TMEM135: variants seen among roughly 807,000 people sequenced by gnomAD.
TMEM135 encodes peroxisomal membrane protein 52.
A neutral mutation model predicts 60.3 loss-of-function variants in TMEM135; 30 were observed. The ratio of observed to expected loss-of-function variants is 0.50; its 90% confidence interval spans 0.37 to 0.68. TMEM135 has a LOEUF of 0.68. Ranked by LOEUF, TMEM135 falls within the 30% of genes least tolerant of loss-of-function variation. The pLI is 0.00. For synonymous variants in TMEM135, 190 were observed against 186.7 expected (o/e 1.02, Z -0.14); for missense variants, 468 against 548.8 (o/e 0.85, Z 1.47).
intron 1 of TMEM135, among the ~76,000 whole-genome samples, chr11:87,040,930 G>A (rs530418840): frequency 9.9e-5 from 15 of 152,176 alleles, no homozygotes; most frequent in Admixed American, 7.9e-4. Flanking sequence ...CCCTTGACTT[G>A]TGCCTTGAGG....
intron 4 of TMEM135, among the ~76,000 whole-genome samples, chr11:87,119,442 C>T (rs915779303): frequency 6.6e-6 from 1 of 152,186 alleles, no homozygotes; most frequent in South Asian, 2.1e-4. Flanking sequence ...ATGGCTCATG[C>T]GTGTAATCGC....
At chr11:87,319,222 A>G (rs1942782857) in intron 13 of TMEM135, 88 bp from the exon 14 acceptor site, 1 of 1,137,326 alleles carries the variant, frequency 8.8e-7, no homozygotes, top group South Asian at 1.3e-5. Context: ...GATAGTTACC[A>G]ACTTAAACAT....
At chr11:87,188,407 A>C (rs538752722) in intron 5 of TMEM135, among the ~76,000 whole-genome samples, 1 of 152,234 alleles carries the variant, frequency 6.6e-6, no homozygotes, top group Non-Finnish European at 1.5e-5. Flanking sequence ...GTAGCTAAAA[A>C]ATAATAGAAG....
At chr11:87,113,508 T>G (rs1186642590) in intron 4 of TMEM135, among the ~76,000 whole-genome samples, 2 of 152,086 alleles carry the variant, frequency 1.3e-5, no homozygotes, top group East Asian at 3.9e-4. Context: ...CAAGATTTAG[T>G]TTATTGTGTT....
intron 4 of TMEM135, among the ~76,000 whole-genome samples, chr11:87,096,870 A>C (rs898920547): frequency 1.3e-5 from 2 of 152,008 alleles, no homozygotes; most frequent in African/African-American, 4.8e-5. Flanking sequence ...CTTTTTCATT[A>C]CCCACATATT....
At chr11:87,145,570 T>C (rs1190907520) in intron 4 of TMEM135, among the ~76,000 whole-genome samples, 1 of 152,324 alleles carries the variant, frequency 6.6e-6, no homozygotes, top group East Asian at 1.9e-4. Context: ...GGTTCCCTTT[T>C]CTCCATATCC....
chr11:87,243,984 G>A (rs1463087196), intron 6 of TMEM135, among the ~76,000 whole-genome samples: 1 of 82,692 alleles, frequency 1.2e-5, no homozygotes, highest in East Asian at 2.2e-4. Context: ...ATTGGCTGTG[G>A]GTTTGTCATA....
Position 87,326,498 on chromosome 11 carries a change from CA to C in TMEM135, c.*5168del, listed in dbSNP as rs1224499268. ...TAAGAGGACCCTGAAGCTATAGTGCCAAAGGTTTAAAGCATGAAGTACATTC... is the reference window on the plus strand; with the variant it reads ...TAAGAGGACCCTGAAGCTATAGTGCCAAGGTTTAAAGCATGAAGTACATTC... On this transcript the variant is annotated 3_prime_UTR_variant, in exon 15 of 15. Coordinates refer to ENST00000305494, the MANE Select transcript of TMEM135 (RefSeq NM_022918.4). 2 of 453,828 alleles carry C rather than the reference CA, an allele frequency of 4.4e-6. No homozygotes were observed. Among genetic ancestry groups the C allele is most frequent in the Non-Finnish European group, 8.8e-6 (2 of 226,768 alleles). 28.1% of individuals were successfully genotyped at this position (453,828 alleles called of 1,614,324 possible). A position where few individuals can be genotyped will look rare whatever the true frequency, so the allele number is the denominator to read the frequency against.
chr11:87,041,524 C>CT (rs913126749), intron 1 of TMEM135, among the ~76,000 whole-genome samples: 10 of 152,182 alleles, frequency 6.6e-5, no homozygotes, highest in African/African-American at 2.4e-4. Flanking sequence ...CTGCAATTTA[C>CT]TATCAATATG....
At chr11:87,159,326 T>G (rs995016833) in intron 5 of TMEM135, among the ~76,000 whole-genome samples, 4 of 152,212 alleles carry the variant, frequency 2.6e-5, no homozygotes, top group Non-Finnish European at 5.9e-5. Flanking sequence ...ATAGTTACCA[T>G]CTGCTATTCT....
chr11:87,147,519 T>A (rs1267435014), intron 4 of TMEM135, among the ~76,000 whole-genome samples: 2 of 152,030 alleles, frequency 1.3e-5, no homozygotes, highest in Non-Finnish European at 2.9e-5. Flanking sequence ...TTGTTATTTT[T>A]ATTATTACCA....
chr11:87,166,249 G>A (rs1342206230), intron 5 of TMEM135, among the ~76,000 whole-genome samples: 1 of 151,698 alleles, frequency 6.6e-6, no homozygotes, highest in South Asian at 2.1e-4. Context: ...CTCCCATTCT[G>A]TAGGTTGCCT....
chr11:87,322,988 G>A lies in TMEM135; in HGVS notation c.*1655G>A, dbSNP rs1009231839. The A allele has an allele frequency of 4.4e-6, 2 of 454,188 alleles. No homozygotes were observed. Among genetic ancestry groups the A allele is most frequent in the African/African-American group, 4.0e-5 (2 of 49,966 alleles). The allele number at this position is 454,188 out of a possible 1,614,324, so 28.1% of individuals were successfully genotyped here. The stretch of plus-strand genomic sequence containing the variant: ...GAATCAAAACGATGGTTGGTACTGT[G>A]TTTACTGTTTAAAATGAAGTACTAA... On this transcript the variant is annotated 3_prime_UTR_variant, in exon 15 of 15. Transcript: ENST00000305494.
intron 5 of TMEM135, chr11:87,178,358 T>G (rs1381647445): frequency 1.3e-5 from 6 of 454,222 alleles, no homozygotes; most frequent in Non-Finnish European, 2.6e-5. Context: ...CAATCTAAAC[T>G]CTCTTTTTCT....
chr11:87,054,581 A>G (rs1249499705), intron 1 of TMEM135, among the ~76,000 whole-genome samples: 1 of 152,228 alleles, frequency 6.6e-6, no homozygotes, highest in Non-Finnish European at 1.5e-5. Flanking sequence ...AATTTTTTCA[A>G]CTTACTGTCA....
intron 6 of TMEM135, among the ~76,000 whole-genome samples, chr11:87,271,534 T>C (rs1440514427): frequency 6.7e-6 from 1 of 148,946 alleles, no homozygotes; most frequent in Admixed American, 6.8e-5. Context: ...ACATCAGATT[T>C]CAAAGACTTG....
At chr11:87,063,899 A>G (rs559480770) in intron 1 of TMEM135, among the ~76,000 whole-genome samples, 9 of 152,344 alleles carry the variant, frequency 5.9e-5, no homozygotes, top group African/African-American at 1.9e-4. Flanking sequence ...GTAATGACAG[A>G]TAATGCTATA....
At chr11:87,053,796 G>C (rs1463855058) in intron 1 of TMEM135, among the ~76,000 whole-genome samples, 1 of 152,032 alleles carries the variant, frequency 6.6e-6, no homozygotes, top group African/African-American at 2.4e-5. Flanking sequence ...GACTTAATTT[G>C]AATCTCTGTT....
chr11:87,104,108 A>G (rs1857533421), intron 4 of TMEM135, among the ~76,000 whole-genome samples: 1 of 152,120 alleles, frequency 6.6e-6, no homozygotes, highest in South Asian at 2.1e-4. Context: ...TAATTTTTAT[A>G]TAACATATAG....
Sources: gnomAD v4.1 joint callset for allele counts (sites outside exome capture counted in the v4.1 genomes callset) on GRCh38, gnomAD v4.1.1 for gene constraint, MANE v1.5 for transcripts, NCBI Gene and HGNC (gene_info 2026-07-23, HGNC 2026-07-21) for gene names.